Variants in TMOD1 observed in about 807,000 individuals in gnomAD.
TMOD1 encodes tropomodulin-1.
TMOD1 carries 17 observed loss-of-function variants against 40.6 expected under a neutral mutation model. The observed-to-expected ratio is 0.42, with a 90% CI of 0.29 to 0.63. The LOEUF (loss-of-function observed/expected upper bound fraction) is 0.63, where lower values mean the gene tolerates loss of function less well. Among genes scored for constraint, TMOD1 ranks in the 20% least tolerant of loss-of-function variants. The pLI, the probability that TMOD1 is intolerant of heterozygous loss-of-function variation, is 0.22. For missense variants in TMOD1, 391 were observed against 447.6 expected, an observed-to-expected ratio of 0.87 and a Z score of 1.14; for synonymous variants, 181 against 175.0, an observed-to-expected ratio of 1.03 and a Z score of -0.27.
chr9:97,601,036 G>A lies in TMOD1; in HGVS notation c.*1338G>A, dbSNP rs756641195. 2.0e-4 allele frequency: 259 copies of A among 1,302,752 alleles called. No homozygotes were observed. Among genetic ancestry groups the A allele is most frequent in the Non-Finnish European group, 2.5e-4 (243 of 988,204 alleles). The allele number at this position is 1,302,752 out of a possible 1,614,324, so 80.7% of individuals were successfully genotyped here. On this transcript the variant is annotated 3_prime_UTR_variant, in exon 10 of 10. Transcript: ENST00000259365. ...TGGTGATGAAAAGGTGAAGGCCTGC[G>A]CACTGAACTGTAAGGCAGTGGGCAG...
At chr9:97,553,661 C>T (rs181714723) in intron 4 of TMOD1, among the ~76,000 whole-genome samples, 180 of 152,300 alleles carry the variant, frequency 1.2e-3, no homozygotes, top group African/African-American at 4.1e-3. Context: ...GGGTGTATCT[C>T]AGGGAGAGCC....
chr9:97,577,128 C>T (rs1338666509), intron 8 of TMOD1, among the ~76,000 whole-genome samples: 1 of 149,196 alleles, frequency 6.7e-6, no homozygotes. Flanking sequence ...ACCATCCTGT[C>T]CCTGGCTCTG....
intron 2 of TMOD1, among the ~76,000 whole-genome samples, chr9:97,536,598 C>T (rs1443265096): frequency 6.6e-6 from 1 of 152,164 alleles, no homozygotes; most frequent in African/African-American, 2.4e-5. Context: ...GCGGCCACAT[C>T]TGGTTTCCAG....
rs1426056486 is a variant in TMOD1 at position 97,502,460 on chromosome 9, C to G, written c.-49+657C>G. Among the ~76,000 whole-genome samples the G allele has an allele frequency of 1.3e-5, 2 of 152,222 alleles. No individual in the cohort carries two copies. Among genetic ancestry groups the G allele is most frequent in the Non-Finnish European group, 2.9e-5 (2 of 68,038 alleles). On this transcript the variant is annotated intron_variant, in intron 1 of 9. Coordinates refer to ENST00000259365, the MANE Select transcript of TMOD1 (RefSeq NM_003275.4). This position sits in a 1 kb window ranked among gnomAD's most constrained non-coding sequence, Gnocchi z 6.1. ...GGAGCCCCAGGTTGTCGCCGGCTCT[C>G]GGCATGGCCTTGGCAATCCCCCTCT...
Position 97,572,801 on chromosome 9 carries a change from G to T in TMOD1, c.870+3764G>T, listed in dbSNP as rs1247764174. ...AGGGACTTGGGGAGTTCTGCCCAGG[G>T]TGACACGGAGCTGGCTCAGGACACA... On this transcript the variant is annotated intron_variant, in intron 8 of 9. Transcript: ENST00000259365. Among the ~76,000 whole-genome samples, 3 of 152,276 alleles carry T rather than the reference G, an allele frequency of 2.0e-5. No homozygotes were observed. In the East Asian group the frequency reaches 5.8e-4, roughly 29 times the overall value.
At chr9:97,508,282 A>G (rs1045283102) in intron 1 of TMOD1, among the ~76,000 whole-genome samples, 2 of 151,828 alleles carry the variant, frequency 1.3e-5, no homozygotes, top group Non-Finnish European at 2.9e-5. Context: ...TCCGCCTCCC[A>G]GGTTCAAGCA....
At chr9:97,559,340 G>C (rs1006873309) in intron 4 of TMOD1, among the ~76,000 whole-genome samples, 1 of 152,120 alleles carries the variant, frequency 6.6e-6, no homozygotes, top group African/African-American at 2.4e-5. Context: ...AGTTCTCTTA[G>C]TGATGAACAA....
intron 8 of TMOD1, among the ~76,000 whole-genome samples, chr9:97,574,058 C>CA (rs1182964026): frequency 2.0e-5 from 3 of 152,186 alleles, no homozygotes; most frequent in Non-Finnish European, 4.4e-5. Flanking sequence ...AGCATGCTGG[C>CA]AGCCCTCACA....
intron 3 of TMOD1, among the ~76,000 whole-genome samples, chr9:97,547,635 TG>T (rs1830386360): frequency 6.6e-6 from 1 of 152,232 alleles, no homozygotes; most frequent in South Asian, 2.1e-4. Flanking sequence ...TATTGTCCTT[TG>T]GGTCTCAACT....
rs371073283 is a variant in TMOD1 at position 97,563,971 on chromosome 9, T to A, written c.488-67T>A. ...CCTGCACATGCTCCCTTCCACAGTA[T>A]CTTTGTGTTGGCAGAAAGTGAGCCC... is the stretch of plus-strand genomic sequence containing the variant. On this transcript the variant is annotated intron_variant, in intron 5 of 9. Transcript: ENST00000259365. The A allele has an allele frequency of 2.8e-5, 44 of 1,564,136 alleles. No homozygotes were observed. In the African/African-American group the frequency reaches 5.3e-4, roughly 19 times the overall value.
At chr9:97,577,449 A>G (rs918795507) in intron 8 of TMOD1, among the ~76,000 whole-genome samples, 6 of 152,234 alleles carry the variant, frequency 3.9e-5, no homozygotes, top group African/African-American at 1.4e-4. Context: ...GGATTTGGGA[A>G]AAATTTCTTA....
In TMOD1 at chr9:97,508,057, T is replaced by A. The variant is rs868354471; in HGVS notation, c.-49+6254T>A. Among the ~76,000 whole-genome samples the A allele has an allele frequency of 6.1e-5, 8 of 131,988 alleles. 1 individual carries two copies. The highest frequency in any genetic ancestry group is 2.2e-4 in the African/African-American group (8 of 35,570). 86.6% of individuals were successfully genotyped at this position (131,988 alleles called of 152,430 possible). Reference sequence around the variant, plus strand: ...ATGAAACACAATCTATCTTCCTGATTCACACACACACACACACACACACAC... The same window carrying A: ...ATGAAACACAATCTATCTTCCTGATACACACACACACACACACACACACAC... On this transcript the variant is annotated intron_variant, in intron 1 of 9. Coordinates refer to ENST00000259365, the MANE Select transcript of TMOD1 (RefSeq NM_003275.4).
At position 97,600,892 on chromosome 9, in the gene TMOD1, A is replaced by G; in HGVS notation, c.*1194A>G. Reference sequence around the variant, plus strand: ...GCCCTTGTGCCTTTTAATATACCACAGTGCCAGTTAAACTAATATTTTTGT... The same window carrying G: ...GCCCTTGTGCCTTTTAATATACCACGGTGCCAGTTAAACTAATATTTTTGT... On this transcript the variant is annotated 3_prime_UTR_variant, in exon 10 of 10. Transcript: ENST00000259365. 1 of 1,149,016 alleles carries G rather than the reference A, an allele frequency of 8.7e-7. No homozygotes were observed. The allele number at this position is 1,149,016 out of a possible 1,614,324, so 71.2% of individuals were successfully genotyped here. A position where few individuals can be genotyped will look rare whatever the true frequency, so the allele number is the denominator to read the frequency against.
At chr9:97,596,410 C>T (rs1444163070) in intron 9 of TMOD1, among the ~76,000 whole-genome samples, 1 of 152,202 alleles carries the variant, frequency 6.6e-6, no homozygotes, top group Non-Finnish European at 1.5e-5. Flanking sequence ...TAATAGCTGA[C>T]TCTTACATGG....
chr9:97,536,830 G>A lies in TMOD1; in HGVS notation c.121-9355G>A, dbSNP rs142606800. 2.7e-3 allele frequency among the ~76,000 whole-genome samples: 412 copies of A among 152,288 alleles called. 1 individual carries two copies. The highest frequency in any genetic ancestry group is 8.8e-3 in the African/African-American group (364 of 41,562). On this transcript the variant is annotated intron_variant, in intron 2 of 9. Coordinates refer to ENST00000259365, the MANE Select transcript of TMOD1 (RefSeq NM_003275.4). ...AGTCACAGAATAGGAACCTGGGACC[G>A]CCAGAGCCCAGACCCAGGGGTCACG...
intron 1 of TMOD1, among the ~76,000 whole-genome samples, chr9:97,505,895 T>C (rs1829583223): frequency 6.6e-6 from 1 of 152,180 alleles, no homozygotes; most frequent in Admixed American, 6.5e-5. Flanking sequence ...AGTCATTCCT[T>C]CTTCCATGCT....
intron 1 of TMOD1, among the ~76,000 whole-genome samples, chr9:97,512,169 A>G (rs1261248783): frequency 2.6e-5 from 4 of 152,188 alleles, no homozygotes; most frequent in Admixed American, 2.6e-4. Context: ...TCCAGAAGGC[A>G]TATAAAATGT....
intron 2 of TMOD1, among the ~76,000 whole-genome samples, chr9:97,541,497 ATTTTTATTTTTTAT>A (rs539361335): frequency 1.5e-4 from 23 of 150,828 alleles, no homozygotes; most frequent in South Asian, 6.3e-4. Flanking sequence ...CCACTTGACC[ATTTTTATTTTTTAT>A]TTTTTATTTT....
At chr9:97,525,956 A>T (rs10739431) in intron 2 of TMOD1, among the ~76,000 whole-genome samples, 106,388 of 152,028 alleles carry the variant, frequency 0.7, 37,330 homozygotes, top group East Asian at 0.8. Context: ...TCACTAGGAG[A>T]AATGGTGAGT....
Sources: gnomAD v4.1 joint callset for allele counts (sites outside exome capture counted in the v4.1 genomes callset) on GRCh38, gnomAD v4.1.1 for gene constraint, Gnocchi (gnomAD v3.1) non-coding constraint, MANE v1.5 for transcripts, NCBI Gene and HGNC (gene_info 2026-07-23, HGNC 2026-07-21) for gene names.